The following LMO7 variants were observed in gnomAD, a reference collection of about 807,000 sequenced individuals.
LMO7 encodes LIM domain only protein 7.
LMO7 carries 120 observed loss-of-function variants against 206.5 expected under a neutral mutation model. The ratio of observed to expected loss-of-function variants is 0.58; its 90% CI spans 0.50 to 0.68. The LOEUF is 0.68. Ranked by LOEUF, LMO7 falls within the 30% of genes least tolerant of loss-of-function variation. The probability of loss-of-function intolerance (pLI) is 0.00; values close to 1 mark genes in which losing one functional copy is unlikely to be tolerated. For missense variants in LMO7, 1,959 were observed against 1,957.9 expected (o/e 1.00, Z -0.01); for synonymous variants, 706 against 681.5 (o/e 1.04, Z -0.56).
intron 4 of LMO7, among the ~76,000 whole-genome samples, chr13:75,793,068 C>A (rs750781321): frequency 1.2e-4 from 18 of 152,060 alleles, no homozygotes; most frequent in Non-Finnish European, 1.9e-4. Context: ...TGCTTATGAT[C>A]AAAGTGGGAG....
chr13:75,805,491 G>T lies in LMO7; in HGVS notation c.927G>T (p.Arg309Ser), dbSNP rs762300847. Residue 309 changes from arginine (R) to serine (S), a missense_variant, in exon 9 of 31, where the codon AGG becomes AGT. Arg to Ser is a moderately radical substitution (Grantham distance 110). Coordinates refer to ENST00000377534, the MANE Select transcript of LMO7 (RefSeq NM_001306080.2). ...ADGTFSSNQR[R>S]IWGTNVENWP... ...ATGTTTTGAACAGTAATCAGAGGAG[G>T]ATTTGGGGCACCAATGTGGAGAACT... 3 of 1,613,882 alleles carry T rather than the reference G, an allele frequency of 1.9e-6. No individual in the cohort carries two copies. The highest frequency in any genetic ancestry group is 2.2e-5 in the East Asian group (1 of 44,884).
chr13:75,737,590 A>T (rs2045938358), intron 3 of LMO7, among the ~76,000 whole-genome samples: 2 of 147,288 alleles, frequency 1.4e-5, no homozygotes, highest in African/African-American at 5.0e-5. Context: ...CGTCTCTACT[A>T]AAAATACAAA....
At chr13:75,809,086 T>A in intron 10 of LMO7, 68 bp from the exon 11 acceptor site, 1 of 1,169,848 alleles carries the variant, frequency 8.5e-7, no homozygotes, top group Non-Finnish European at 1.3e-6. Context: ...GTGGAAGACA[T>A]TGAACGTTTA....
In LMO7 at chr13:75,666,324, A is replaced by G. The variant is rs528391630; in HGVS notation, c.69+29598A>G. On this transcript the variant is annotated intron_variant, in intron 1 of 30. Coordinates refer to ENST00000377534, the MANE Select transcript of LMO7 (RefSeq NM_001306080.2). ...TGCAACCTCTGGCATAAATGGATTA[A>G]TTTGGAAGTTGTATGTTACTTTGAC... Among the ~76,000 whole-genome samples the G allele has an allele frequency of 8.5e-5, 13 of 152,354 alleles. No individual in the cohort carries two copies. In the South Asian group the frequency reaches 2.7e-3, roughly 32 times the overall value.
At chr13:75,827,832 G>A (rs545399252) in intron 15 of LMO7, among the ~76,000 whole-genome samples, 69 of 152,286 alleles carry the variant, frequency 4.5e-4, no homozygotes, top group African/African-American at 1.6e-3. Flanking sequence ...GGGATGACAC[G>A]TGTGGAAGGA....
At chr13:75,780,852 T>C (rs563917063) in intron 4 of LMO7, among the ~76,000 whole-genome samples, 5 of 152,288 alleles carry the variant, frequency 3.3e-5, no homozygotes, top group African/African-American at 1.2e-4. Flanking sequence ...GTCCCTTCGT[T>C]TGGGTTCCCT....
intron 1 of LMO7, among the ~76,000 whole-genome samples, chr13:75,654,612 A>T (rs567083706): frequency 1.3e-5 from 2 of 151,850 alleles, no homozygotes; most frequent in East Asian, 3.9e-4. Context: ...CATAGAATAC[A>T]TTTTCCTCTG....
intron 6 of LMO7, among the ~76,000 whole-genome samples, chr13:75,797,700 C>G (rs2054210825): frequency 6.6e-6 from 1 of 152,104 alleles, no homozygotes. Flanking sequence ...TTGCACCTAC[C>G]CTGATCTTTA....
chr13:75,668,858 G>A (rs111451025), intron 1 of LMO7, among the ~76,000 whole-genome samples: 3 of 152,218 alleles, frequency 2.0e-5, no homozygotes, highest in African/African-American at 7.2e-5. Flanking sequence ...TTTCGGTCAT[G>A]TTGAATATTT....
At chr13:75,683,999 G>A (rs1335330215) in intron 1 of LMO7, among the ~76,000 whole-genome samples, 1 of 152,152 alleles carries the variant, frequency 6.6e-6, no homozygotes, top group African/African-American at 2.4e-5. Flanking sequence ...TAAGGTCTGG[G>A]TTGATGTTAA....
At chr13:75,683,908 G>A (rs958940706) in intron 1 of LMO7, among the ~76,000 whole-genome samples, 3 of 152,144 alleles carry the variant, frequency 2.0e-5, no homozygotes, top group Non-Finnish European at 4.4e-5. Context: ...AAGGGATTGG[G>A]GAGACCAAGG....
chr13:75,771,581 G>GAATTTTTAAAGACTTTAAAAACAA (rs1159457353), intron 4 of LMO7, among the ~76,000 whole-genome samples: 1 of 152,078 alleles, frequency 6.6e-6, no homozygotes, highest in African/African-American at 2.4e-5. Context: ...TTTAAAAACA[G>GAATTTTTAAAGACTTTAAAAACAA]AATTAGTAAG....
At chr13:75,625,923 G>T (rs2033994995) in intron 2 of LMO7, among the ~76,000 whole-genome samples, 1 of 152,264 alleles carries the variant, frequency 6.6e-6, no homozygotes, top group South Asian at 2.1e-4. Flanking sequence ...GACCTGTCTT[G>T]GTACACACGA....
intron 4 of LMO7, among the ~76,000 whole-genome samples, chr13:75,780,639 C>T (rs763687973): frequency 6.6e-5 from 10 of 152,008 alleles, no homozygotes; most frequent in Non-Finnish European, 1.0e-4. Context: ...AAGAAGATGA[C>T]GGGATTAAGA....
At chr13:75,757,410 A>C (rs771578968) in intron 3 of LMO7, among the ~76,000 whole-genome samples, 9 of 152,216 alleles carry the variant, frequency 5.9e-5, no homozygotes, top group Admixed American at 1.3e-4. Context: ...TAATTTGGGG[A>C]TAATGTATTA....
intron 1 of LMO7, among the ~76,000 whole-genome samples, chr13:75,692,573 G>T (rs946413466): frequency 1.3e-5 from 2 of 151,810 alleles, no homozygotes; most frequent in Non-Finnish European, 2.9e-5. Context: ...TTTTTTGTAC[G>T]TAGGGTCTTT....
At chr13:75,710,577 A>G (rs1425402256) in intron 1 of LMO7, among the ~76,000 whole-genome samples, 2 of 151,720 alleles carry the variant, frequency 1.3e-5, no homozygotes, top group Non-Finnish European at 2.9e-5. Flanking sequence ...ATGGGAGTTC[A>G]CTCATGATTT....
chr13:75,774,257 C>G (rs2050103224), intron 4 of LMO7, among the ~76,000 whole-genome samples: 1 of 152,076 alleles, frequency 6.6e-6, no homozygotes. Flanking sequence ...CAGTATAGTT[C>G]ATTATAGTGT....
chr13:75,781,411 AATG>A, intron 4 of LMO7, among the ~76,000 whole-genome samples: 1 of 150,010 alleles, frequency 6.7e-6, no homozygotes, highest in Admixed American at 6.7e-5. Context: ...GTTTACTGAG[AATG>A]ATGATTTCCA....
Sources: gnomAD v4.1 joint callset for allele counts (sites outside exome capture counted in the v4.1 genomes callset) on GRCh38, gnomAD v4.1.1 for gene constraint, MANE v1.5 for transcripts, NCBI Gene and HGNC (gene_info 2026-07-23, HGNC 2026-07-21) for gene names.